The following NAALADL2 variants were observed in gnomAD, a reference collection of about 807,000 sequenced individuals.
NAALADL2 encodes the protein N-acetylated alpha-linked acidic dipeptidase like 2.
In NAALADL2, 76 loss-of-function variants were observed where a neutral mutation model predicts 87.2. The observed-to-expected ratio is 0.87, with a 90% CI of 0.72 to 1.05. The LOEUF (loss-of-function observed/expected upper bound fraction) is 1.05. NAALADL2 is among the 50% of genes least tolerant of loss of function. The pLI is 0.00. For missense variants in NAALADL2, 1,089 were observed against 945.8 expected (o/e 1.15, Z -1.99); for synonymous variants, 354 against 331.0 (o/e 1.07, Z -0.75).
intron 13 of NAALADL2, among the ~76,000 whole-genome samples, chr3:175,784,187 G>A (rs1299264715): frequency 1.3e-4 from 19 of 148,240 alleles, no homozygotes; most frequent in African/African-American, 3.3e-4. Context: ...GTCTCTGCCC[G>A]GCTTTGGTAT....
At chr3:175,249,239 A>T (rs1338603030) in intron 3 of NAALADL2, among the ~76,000 whole-genome samples, 2 of 151,988 alleles carry the variant, frequency 1.3e-5, no homozygotes, top group African/African-American at 2.4e-5. Context: ...CCCAAATTTT[A>T]TTTATTACCT....
intron 10 of NAALADL2, among the ~76,000 whole-genome samples, chr3:175,618,562 A>G (rs1725682679): frequency 6.6e-6 from 1 of 152,166 alleles, no homozygotes; most frequent in South Asian, 2.1e-4. Context: ...GTGATTCAGC[A>G]TGCACTTGAG....
chr3:175,180,700 T>TCAC (rs34429913), intron 2 of NAALADL2, among the ~76,000 whole-genome samples: 1 of 150,922 alleles, frequency 6.6e-6, no homozygotes, highest in Non-Finnish European at 1.5e-5. Context: ...ATCATAATCA[T>TCAC]AAATATCATT....
chr3:174,668,290 C>T (rs1195147282), intron 2 of NAALADL2, among the ~76,000 whole-genome samples: 3 of 152,042 alleles, frequency 2.0e-5, no homozygotes, highest in Non-Finnish European at 2.9e-5. Context: ...TTTGCAGATA[C>T]TTTCCCCTTT....
chr3:175,390,548 T>C (rs2149018000), intron 5 of NAALADL2, among the ~76,000 whole-genome samples: 1 of 152,220 alleles, frequency 6.6e-6, no homozygotes, highest in East Asian at 1.9e-4. Flanking sequence ...GAAAATGGTT[T>C]TGAGCTTCGG....
chr3:175,502,923 T>C (rs1448177497), intron 9 of NAALADL2, among the ~76,000 whole-genome samples: 6 of 126,886 alleles, frequency 4.7e-5, no homozygotes, highest in African/African-American at 8.0e-5. Flanking sequence ...AGATTTTTTT[T>C]CTCTTTTTTT....
At chr3:175,705,240 A>G (rs1305188187) in intron 11 of NAALADL2, among the ~76,000 whole-genome samples, 5 of 152,162 alleles carry the variant, frequency 3.3e-5, no homozygotes, top group African/African-American at 9.7e-5. Context: ...AATGAGGTCC[A>G]TAGAGTAAAA....
chr3:175,272,390 A>T (rs528793099), intron 4 of NAALADL2, among the ~76,000 whole-genome samples: 1 of 152,156 alleles, frequency 6.6e-6, no homozygotes, highest in Non-Finnish European at 1.5e-5. Flanking sequence ...ATTATTCTTT[A>T]TTTTAAAAAT....
chr3:175,227,973 T>C (rs1200566475), intron 2 of NAALADL2, among the ~76,000 whole-genome samples: 1 of 151,984 alleles, frequency 6.6e-6, no homozygotes, highest in African/African-American at 2.4e-5. Context: ...TTTAAACTTA[T>C]GATTAACTAT....
rs143270115 is a variant in NAALADL2 at position 175,274,022 on chromosome 3, A to G, written c.939+17492A>G. Among the ~76,000 whole-genome samples the G allele has an allele frequency of 2.6e-3, 389 of 152,318 alleles. 3 individuals are homozygous for G. The highest frequency in any genetic ancestry group is 9.1e-3 in the African/African-American group (378 of 41,560). ...AAATGTTTCACAAAATATGAATAATAGCATATAATTTTGTATTAATCTGTT... is the reference window on the plus strand; with the variant it reads ...AAATGTTTCACAAAATATGAATAATGGCATATAATTTTGTATTAATCTGTT... On this transcript the variant is annotated intron_variant, in intron 4 of 13. Transcript: ENST00000454872.
intron 11 of NAALADL2, among the ~76,000 whole-genome samples, chr3:175,704,731 C>T (rs1269892090): frequency 6.6e-6 from 1 of 152,160 alleles, no homozygotes; most frequent in Non-Finnish European, 1.5e-5. Context: ...TAAAGATTCT[C>T]AAGCATATTC....
At chr3:175,685,410 T>C (rs1311675726) in intron 11 of NAALADL2, among the ~76,000 whole-genome samples, 1 of 151,630 alleles carries the variant, frequency 6.6e-6, no homozygotes, top group African/African-American at 2.4e-5. Flanking sequence ...AGGAGACACA[T>C]GGTGTCTTAG....
At chr3:175,017,724 A>G (rs1300293708) in intron 1 of NAALADL2, among the ~76,000 whole-genome samples, 1 of 152,076 alleles carries the variant, frequency 6.6e-6, no homozygotes, top group African/African-American at 2.4e-5. Context: ...CACCTTGGGT[A>G]ATATCCAATT....
chr3:174,844,094 C>T (rs67582838), intron 3 of NAALADL2, among the ~76,000 whole-genome samples: 15,780 of 152,108 alleles, frequency 0.1, 952 homozygotes, highest in Middle Eastern at 0.15. Flanking sequence ...CTTTGCCCAG[C>T]CCCAATGTTG....
At chr3:175,170,944 C>G (rs1734715073) in intron 2 of NAALADL2, among the ~76,000 whole-genome samples, 1 of 151,740 alleles carries the variant, frequency 6.6e-6, no homozygotes, top group South Asian at 2.1e-4. Flanking sequence ...GTATTGGCTG[C>G]CATCAGAGAG....
At chr3:174,920,780 C>G (rs1735065617) in intron 1 of NAALADL2, among the ~76,000 whole-genome samples, 1 of 152,128 alleles carries the variant, frequency 6.6e-6, no homozygotes, top group African/African-American at 2.4e-5. Flanking sequence ...GTTTAATCAT[C>G]TGTAGCTTTT....
intron 5 of NAALADL2, among the ~76,000 whole-genome samples, chr3:175,437,123 C>T (rs1718816232): frequency 6.6e-6 from 1 of 150,952 alleles, no homozygotes; most frequent in Non-Finnish European, 1.5e-5. Context: ...TTCCCCATTG[C>T]TTGTTTTTCT....
intron 1 of NAALADL2, among the ~76,000 whole-genome samples, chr3:174,966,667 G>A (rs1197684587): frequency 6.6e-6 from 1 of 152,156 alleles, no homozygotes; most frequent in African/African-American, 2.4e-5. Context: ...GAGAAGTCCA[G>A]CTTAATACAT....
chr3:175,631,681 C>A lies in NAALADL2; in HGVS notation c.1896+4295C>A, dbSNP rs1727787608. ...TCTCCTATAATTACATTAAAATTAT[C>A]ATAGAAACCAAACTAATTCCTTCAT... On this transcript the variant is annotated intron_variant, in intron 11 of 13. Transcript: ENST00000454872. 2.6e-5 allele frequency among the ~76,000 whole-genome samples: 4 copies of A among 151,904 alleles called. No homozygotes were observed. In the South Asian group the frequency reaches 8.3e-4, roughly 31 times the overall value.
Sources: allele counts gnomAD v4.1 joint callset (sites outside exome capture counted in the v4.1 genomes callset), GRCh38; gene constraint gnomAD v4.1.1; transcripts MANE v1.5; gene names NCBI Gene and HGNC (gene_info 2026-07-23, HGNC 2026-07-21).